BCL7A: variants seen among roughly 807,000 people sequenced by gnomAD.
The protein encoded by BCL7A is B-cell CLL/lymphoma 7 protein family member A.
In BCL7A, 11 loss-of-function variants were observed where a neutral mutation model predicts 28.4. The ratio of observed to expected loss-of-function variants is 0.39; its 90% CI spans 0.24 to 0.64. The LOEUF (loss-of-function observed/expected upper bound fraction) is 0.64. Among genes scored for constraint, BCL7A ranks in the 30% least tolerant of loss-of-function variants. The probability of loss-of-function intolerance (pLI) is 0.50; values close to 1 mark genes in which losing one functional copy is unlikely to be tolerated. For synonymous variants in BCL7A, 123 were observed against 103.3 expected, an observed-to-expected ratio of 1.19 and a Z score of -1.15; for missense variants, 222 against 274.8, an observed-to-expected ratio of 0.81 and a Z score of 1.36.
chr12:122,027,980 C>A (rs1203757999), intron 1 of BCL7A, among the ~76,000 whole-genome samples: 3 of 152,188 alleles, frequency 2.0e-5, no homozygotes, highest in African/African-American at 7.2e-5. Flanking sequence ...GAAACCTCAG[C>A]TGCTCCGCTG....
At position 122,030,710 on chromosome 12, in the gene BCL7A, T is replaced by A. The variant is rs1292254965; in HGVS notation, c.103T>A (p.Trp35Arg). 1 of 1,613,778 alleles carries A rather than the reference T, an allele frequency of 6.2e-7. No homozygotes were observed. The change falls in exon 2 of 6, where the codon TGG becomes AGG. Residue 35 changes from tryptophan (W) to arginine (R), a missense_variant. Physicochemically the swap from Trp to Arg is moderately radical, Grantham distance 101. Coordinates refer to ENST00000261822, the MANE Select transcript of BCL7A (RefSeq NM_001024808.3). The part of the protein sequence containing the change: ...IEKVRKWEKK[W>R]VTVGDTSLRI... ...CCTCATCCTCCTCAGGGAGAAGAAA[T>A]GGGTGACCGTTGGTGACACATCCCT...
chr12:122,059,111 C>T lies in BCL7A; in HGVS notation c.581C>T (p.Pro194Leu). 1 of 1,611,664 alleles carries T rather than the reference C, an allele frequency of 6.2e-7. No individual in the cohort carries two copies. Among genetic ancestry groups the T allele is most frequent in the Non-Finnish European group, 8.5e-7 (1 of 1,177,780 alleles). Reference protein sequence around the residue: ...AISQDLEGVPPSKKMKLEASQ... With the variant: ...AISQDLEGVPLSKKMKLEASQ... Reference sequence around the variant, plus strand: ...CCCAAGGATTTGGAAGGAGTGCCACCCTCTAAAAAGATGAAACTGGAGGCC... The same window carrying T: ...CCCAAGGATTTGGAAGGAGTGCCACTCTCTAAAAAGATGAAACTGGAGGCC... The change falls in exon 6 of 6, where the codon CCC becomes CTC. Residue 194 changes from proline to leucine, a missense_variant. Physicochemically the swap from Pro to Leu is moderately conservative, Grantham distance 98. This residue lies in a region of BCL7A where 155 missense variants were observed against 145.7 expected (regional missense o/e 1.06). Transcript: ENST00000261822. The surrounding 1 kb of genome is among the most constrained non-coding windows in gnomAD (Gnocchi z 4.0).
At chr12:122,025,207 A>G (rs1461963163) in intron 1 of BCL7A, among the ~76,000 whole-genome samples, 1 of 152,228 alleles carries the variant, frequency 6.6e-6, no homozygotes, top group African/African-American at 2.4e-5. Context: ...GCTGCAGCGT[A>G]AGCTTGGAGG....
intron 1 of BCL7A, among the ~76,000 whole-genome samples, chr12:122,027,974 C>A (rs1440680753): frequency 6.6e-6 from 1 of 152,130 alleles, no homozygotes; most frequent in East Asian, 1.9e-4. Context: ...TTGTGGGAAA[C>A]CTCAGCTGCT....
In BCL7A at chr12:122,059,225, G is replaced by A. The variant is rs1278949390; in HGVS notation, c.*62G>A. 5 of 1,500,714 alleles carry A rather than the reference G, an allele frequency of 3.3e-6. No homozygotes were observed. Among genetic ancestry groups the A allele is most frequent in the Middle Eastern group, 1.7e-4 (1 of 5,860 alleles). The allele number at this position is 1,500,714 out of a possible 1,614,324, so 93.0% of individuals were successfully genotyped here. A position where few individuals can be genotyped will look rare whatever the true frequency, so the allele number is the denominator to read the frequency against. ...AGGTACATCAGCAATTAATTCTAGA[G>A]CAACTTTGCCCCAGCGATTCCTCTT... On this transcript the variant is annotated 3_prime_UTR_variant, in exon 6 of 6. Coordinates refer to ENST00000261822, the MANE Select transcript of BCL7A (RefSeq NM_001024808.3). This position sits in a 1 kb window ranked among gnomAD's most constrained non-coding sequence, Gnocchi z 4.0.
At chr12:122,039,157 C>T (rs1176377770) in intron 3 of BCL7A, among the ~76,000 whole-genome samples, 8 of 151,696 alleles carry the variant, frequency 5.3e-5, no homozygotes, top group Admixed American at 1.3e-4. Flanking sequence ...ATTAGCCAGG[C>T]GTGGTGGCTG....
chr12:122,043,089 C>T (rs1593030525), intron 3 of BCL7A, among the ~76,000 whole-genome samples: 1 of 151,832 alleles, frequency 6.6e-6, no homozygotes, highest in Non-Finnish European at 1.5e-5. Flanking sequence ...CCCGCTGTCT[C>T]TCTCTCCCTT....
At chr12:122,024,502 G>A (rs1167544363) in intron 1 of BCL7A, among the ~76,000 whole-genome samples, 1 of 148,302 alleles carries the variant, frequency 6.7e-6, no homozygotes, top group Non-Finnish European at 1.5e-5. Context: ...GAAAGCCTTG[G>A]ACTTATTGCC....
At chr12:122,027,714 G>C (rs1020539147) in intron 1 of BCL7A, among the ~76,000 whole-genome samples, 1 of 152,016 alleles carries the variant, frequency 6.6e-6, no homozygotes, top group African/African-American at 2.4e-5. Context: ...GCATGTGCTT[G>C]TAGTCCCAGC....
intron 3 of BCL7A, among the ~76,000 whole-genome samples, chr12:122,041,272 C>T (rs1007596732): frequency 9.2e-5 from 14 of 152,212 alleles, no homozygotes; most frequent in African/African-American, 3.1e-4. Context: ...GCCTTTCCAA[C>T]GGGTTGTGGG....
chr12:122,025,357 G>T (rs1883599522), intron 1 of BCL7A, among the ~76,000 whole-genome samples: 1 of 152,084 alleles, frequency 6.6e-6, no homozygotes, highest in African/African-American at 2.4e-5. Flanking sequence ...CGGGCGCGGT[G>T]GCTCACGCCT....
In BCL7A at chr12:122,059,192, TC is replaced by T; in HGVS notation, c.*31del. On this transcript the variant is annotated 3_prime_UTR_variant, in exon 6 of 6. Transcript: ENST00000261822. This position sits in a 1 kb window ranked among gnomAD's most constrained non-coding sequence, Gnocchi z 4.0. ...ATGCTTTAAAGCCTCCGATCCATGT[TC>T]CATGGAAGGTACATCAGCAATTAAT... 6.3e-7 allele frequency: 1 copy of T among 1,576,028 alleles called. No homozygotes were observed. The highest frequency in any genetic ancestry group is 8.7e-7 in the Non-Finnish European group (1 of 1,145,422).
In BCL7A at chr12:122,043,899, C is replaced by T; in HGVS notation, c.285C>T (p.Asn95=). ...CACCCCCTACAGACGATAACAGCAA[C>T]CAGAGCTCCATCGCAGATGCCTCCC... ...GMMDMHDDNS[N]QSSIADASPI... Residue 95 remains asparagine (N), a synonymous_variant, in exon 4 of 6, where the codon AAC becomes AAT. Coordinates refer to ENST00000261822, the MANE Select transcript of BCL7A (RefSeq NM_001024808.3). The T allele has an allele frequency of 1.9e-6, 3 of 1,613,574 alleles. No homozygotes were observed. Among genetic ancestry groups the T allele is most frequent in the Non-Finnish European group, 2.5e-6 (3 of 1,179,886 alleles).
intron 2 of BCL7A, among the ~76,000 whole-genome samples, chr12:122,032,162 C>G (rs1027429661): frequency 2.0e-5 from 3 of 152,204 alleles, no homozygotes; most frequent in Admixed American, 2.0e-4. Context: ...ATCTGCCCGG[C>G]AAGTCTTGGG....
chr12:122,043,222 G>A (rs1593030596), intron 3 of BCL7A, among the ~76,000 whole-genome samples: 2 of 152,056 alleles, frequency 1.3e-5, no homozygotes, highest in East Asian at 1.9e-4. Flanking sequence ...CACACAAGAC[G>A]TCTGGTTTCT....
intron 4 of BCL7A, among the ~76,000 whole-genome samples, chr12:122,045,565 G>A (rs571926620): frequency 1.3e-5 from 2 of 152,194 alleles, no homozygotes; most frequent in South Asian, 4.2e-4. Context: ...GAGAGTGTGT[G>A]TGTGATTGTG....
chr12:122,037,442 C>T (rs1250446446), intron 3 of BCL7A, among the ~76,000 whole-genome samples: 2 of 152,234 alleles, frequency 1.3e-5, no homozygotes, highest in African/African-American at 4.8e-5. Context: ...GGCCAGCGAA[C>T]TTCCCCACGT....
chr12:122,034,825 C>T (rs999622422), intron 2 of BCL7A, among the ~76,000 whole-genome samples: 1 of 152,178 alleles, frequency 6.6e-6, no homozygotes, highest in East Asian at 1.9e-4. Context: ...CTCCTTTCTC[C>T]CGGGGTCTTC....
rs1186872273 is a variant in BCL7A at position 122,059,491 on chromosome 12, G to A, written c.*328G>A. ...TTTTCCCCCCACTTCTCTATGTAACGATATAAGCTATCGGAGGGTGGTACC... is the reference window on the plus strand; with the variant it reads ...TTTTCCCCCCACTTCTCTATGTAACAATATAAGCTATCGGAGGGTGGTACC... On this transcript the variant is annotated 3_prime_UTR_variant, in exon 6 of 6. Transcript: ENST00000261822. The surrounding 1 kb of genome is among the most constrained non-coding windows in gnomAD (Gnocchi z 4.0). 3.2e-6 allele frequency: 1 copy of A among 312,416 alleles called. No homozygotes were observed. Among genetic ancestry groups the A allele is most frequent in the Non-Finnish European group, 6.0e-6 (1 of 165,406 alleles). 19.4% of individuals were successfully genotyped at this position (312,416 alleles called of 1,614,324 possible).
Sources: gnomAD v4.1 joint callset for allele counts (sites outside exome capture counted in the v4.1 genomes callset) on GRCh38, gnomAD v4.1.1 for gene constraint, gnomAD v4.1.1 regional missense constraint, Gnocchi (gnomAD v3.1) non-coding constraint, MANE v1.5 for transcripts, NCBI Gene and HGNC (gene_info 2026-07-23, HGNC 2026-07-21) for gene names.